Variants in ZNF624 observed in about 807,000 individuals in gnomAD.
ZNF624 encodes the protein zinc finger protein 624.
In ZNF624, 43 loss-of-function variants were observed where a neutral mutation model predicts 74.7. The observed-to-expected ratio is 0.58, with a 90% confidence interval of 0.45 to 0.74. The LOEUF is 0.74. Among genes scored for constraint, ZNF624 ranks in the 30% least tolerant of loss-of-function variants. The probability of loss-of-function intolerance (pLI) is 0.00; values close to 1 mark genes in which losing one functional copy is unlikely to be tolerated. For synonymous variants in ZNF624, 331 were observed against 341.3 expected, an observed-to-expected ratio of 0.97 and a Z score of 0.33; for missense variants, 820 against 1,030.0, an observed-to-expected ratio of 0.80 and a Z score of 2.79.
chr17:16,617,068 T>C (rs551591806), downstream of ZNF624: 4 of 1,611,866 alleles, frequency 2.5e-6, no homozygotes, highest in South Asian at 1.1e-5. Context: ...CCTGCTTCGA[T>C]ATTTCTCATA....
At chr17:16,624,557 G>A (rs941187072) in intron 5 of ZNF624, 48 bp from the exon 6 acceptor site, 1 of 1,466,082 alleles carries the variant, frequency 6.8e-7, no homozygotes, top group Non-Finnish European at 9.2e-7. Flanking sequence ...CTAAGCTGGG[G>A]CAATCTCACT....
Position 16,633,838 on chromosome 17 carries a change from T to A in ZNF624, c.376+24A>T, listed in dbSNP as rs774553770. The A allele has an allele frequency of 4.5e-6, 7 of 1,559,774 alleles. No homozygotes were observed. In the South Asian group the frequency reaches 6.7e-5, roughly 15 times the overall value. ...AGTCTGTTACTTCAAATAAATCCCA[T>A]CTTCTTGGTTCTGTTTAACTCACCA... On this transcript the variant is annotated intron_variant, in intron 5 of 5. Coordinates refer to ENST00000311331, the MANE Select transcript of ZNF624 (RefSeq NM_020787.4).
At position 16,629,501 on chromosome 17, in the gene ZNF624, C is replaced by G. The variant is rs544331242; in HGVS notation, c.376+4361G>C. 5.9e-5 allele frequency among the ~76,000 whole-genome samples: 9 copies of G among 152,086 alleles called. No homozygotes were observed. The South Asian group carries it at 1.7e-3, about 28-fold the overall frequency. On this transcript the variant is annotated intron_variant, in intron 5 of 5. Transcript: ENST00000311331. The stretch of plus-strand genomic sequence containing the variant: ...ACAAATTATAACCAATTTGGCCCAT[C>G]ATCTGTTTCTGTATAGCCAGCAAGA...
chr17:16,632,850 C>A (rs1203032863), intron 5 of ZNF624, among the ~76,000 whole-genome samples: 1 of 152,240 alleles, frequency 6.6e-6, no homozygotes, highest in East Asian at 1.9e-4. Flanking sequence ...CACAGGCAGG[C>A]TGCTACATCT....
At chr17:16,644,093 C>T (rs1209014900) in intron 3 of ZNF624, among the ~76,000 whole-genome samples, 1 of 152,180 alleles carries the variant, frequency 6.6e-6, no homozygotes, top group East Asian at 1.9e-4. Context: ...TCTCTATACA[C>T]ACTGTCTCTC....
chr17:16,625,849 C>T (rs1909058670), intron 5 of ZNF624, among the ~76,000 whole-genome samples: 1 of 151,582 alleles, frequency 6.6e-6, no homozygotes, highest in African/African-American at 2.4e-5. Flanking sequence ...CACTTTAATG[C>T]CTTTTAAAAC....
At chr17:16,616,009 T>C (rs1398981246), downstream of ZNF624, among the ~76,000 whole-genome samples, 1 of 137,150 alleles carries the variant, frequency 7.3e-6, no homozygotes, top group Non-Finnish European at 1.6e-5. Context: ...GAATGAGATA[T>C]ACCATATACC....
chr17:16,620,734 G>A lies in ZNF624; in HGVS notation c.*1554C>T, dbSNP rs1030411078. ...GTGTCCAATAAATAAAACGCACAAC[G>A]AAAATATTTTTCCTTTTAATGTAAA... On this transcript the variant is annotated 3_prime_UTR_variant, in exon 6 of 6. Transcript: ENST00000311331. 3 of 152,010 alleles carry A rather than the reference G, an allele frequency of 2.0e-5. No individual in the cohort carries two copies. Among genetic ancestry groups the A allele is most frequent in the South Asian group, 2.1e-4 (1 of 4,824 alleles). 9.4% of individuals were successfully genotyped at this position (152,010 alleles called of 1,614,324 possible).
intron 5 of ZNF624, among the ~76,000 whole-genome samples, chr17:16,626,532 T>G (rs1399772558): frequency 2.0e-5 from 3 of 151,890 alleles, no homozygotes; most frequent in African/African-American, 7.3e-5. Context: ...ACAGGAAGAC[T>G]GCTTGAGCCC....
chr17:16,617,553 G>C, downstream of ZNF624: 1 of 1,571,214 alleles, frequency 6.4e-7, no homozygotes, highest in South Asian at 1.1e-5. Flanking sequence ...CAATAAGCCT[G>C]TATTCTGTAC....
At chr17:16,631,730 A>G (rs185308143) in intron 5 of ZNF624, 1 of 152,372 alleles carries the variant, frequency 6.6e-6, no homozygotes, top group East Asian at 1.9e-4. Context: ...CTCAAAGAAA[A>G]AAAAGAGTCA....
At chr17:16,633,715 G>A (rs1265116323) in intron 5 of ZNF624, 147 bp downstream of exon 5, 2 of 561,922 alleles carry the variant, frequency 3.6e-6, no homozygotes, top group Non-Finnish European at 6.2e-6. Context: ...GGGGGTGAGA[G>A]GGACAGGCAG....
chr17:16,624,283 T>G lies in ZNF624; in HGVS notation c.603A>C (p.Arg201Ser). The change falls in exon 6 of 6, where the codon AGA (arginine) becomes AGC (serine). Residue 201 changes from arginine to serine, a missense_variant. Physicochemically the swap from Arg to Ser is moderately radical, Grantham distance 110. Coordinates refer to ENST00000311331, the MANE Select transcript of ZNF624 (RefSeq NM_020787.4). The stretch of plus-strand genomic sequence containing the variant: ...TAAGAATAGATTCAAATCTAAAGCC[T>G]CTTTGACTAGTGGGAGTCTTCTTGA... ...IPLKKTPTSQ[R>S]GFRFESILIP... is the part of the protein sequence containing the mutation. The G allele has an allele frequency of 6.2e-7, 1 of 1,614,058 alleles. No homozygotes were observed. Among genetic ancestry groups the G allele is most frequent in the Non-Finnish European group, 8.5e-7 (1 of 1,179,986 alleles).
chr17:16,620,293 A>T (rs2142559511), downstream of ZNF624, among the ~76,000 whole-genome samples: 1 of 152,292 alleles, frequency 6.6e-6, no homozygotes, highest in East Asian at 1.9e-4. Context: ...TAGTGTTCCC[A>T]GAACTTCCAA....
Position 16,623,081 on chromosome 17 carries a change from T to C in ZNF624, c.1805A>G (p.His602Arg). 1.2e-6 allele frequency: 2 copies of C among 1,614,114 alleles called. No individual in the cohort carries two copies. Among genetic ancestry groups the C allele is most frequent in the Non-Finnish European group, 1.7e-6 (2 of 1,179,978 alleles). The change falls in exon 6 of 6, where the codon CAT becomes CGT. Residue 602 changes from histidine to arginine, a missense_variant. His to Arg is a conservative substitution (Grantham distance 29). Transcript: ENST00000311331. The surrounding 1 kb of genome is among the most constrained non-coding windows in gnomAD (Gnocchi z 5.3). ...TTTCTCTCCAGTGTGAATTCTCTGATGTACAGTTAAGTGTGATTTTATTCT... is the reference window on the plus strand; with the variant it reads ...TTTCTCTCCAGTGTGAATTCTCTGACGTACAGTTAAGTGTGATTTTATTCT... ...SFRIKSHLTV[H>R]QRIHTGEKPY...
chr17:16,624,879 A>T (rs1408852070), intron 5 of ZNF624: 3 of 180,464 alleles, frequency 1.7e-5, no homozygotes, highest in African/African-American at 7.5e-5. Context: ...AAAAAAAAAA[A>T]AAAAAAAATT....
chr17:16,645,113 A>C (rs2142644437), intron 3 of ZNF624, among the ~76,000 whole-genome samples: 1 of 152,308 alleles, frequency 6.6e-6, no homozygotes, highest in African/African-American at 2.4e-5. Context: ...ATCTCATTAA[A>C]ATTTCATCAG....
intron 2 of ZNF624, 77 bp from the exon 3 acceptor site, chr17:16,647,471 A>G: frequency 8.2e-7 from 1 of 1,215,548 alleles, no homozygotes; most frequent in Non-Finnish European, 1.2e-6. Context: ...AGCACCACCA[A>G]TCCACTGTGG....
rs950832966 is a variant in ZNF624 at position 16,637,242 on chromosome 17, C to A, written c.154-2486G>T. Among the ~76,000 whole-genome samples, 21 of 152,176 alleles carry A rather than the reference C, an allele frequency of 1.4e-4. 1 individual carries two copies. Among genetic ancestry groups the A allele is most frequent in the Admixed American group, 1.2e-3 (19 of 15,278 alleles). The stretch of plus-strand genomic sequence containing the variant: ...AAAGAGATACAAATGGAAGAACATT[C>A]CATGCTCATGGGTAGGAAGAACCAA... On this transcript the variant is annotated intron_variant, in intron 3 of 5. Coordinates refer to ENST00000311331, the MANE Select transcript of ZNF624 (RefSeq NM_020787.4).
Sources: allele counts gnomAD v4.1 joint callset (sites outside exome capture counted in the v4.1 genomes callset), GRCh38; gene constraint gnomAD v4.1.1; non-coding constraint Gnocchi (gnomAD v3.1); transcripts MANE v1.5; gene names NCBI Gene and HGNC (gene_info 2026-07-23, HGNC 2026-07-21).